Variants in ARCN1 observed in about 807,000 individuals in gnomAD.
ARCN1 encodes archain 1 coat protein complex I subunit delta.
A neutral mutation model predicts 60.4 loss-of-function variants in ARCN1; 5 were observed. The ratio of observed to expected loss-of-function variants is 0.08; its 90% CI spans 0.04 to 0.17. ARCN1 has a LOEUF of 0.17. Among genes scored for constraint, ARCN1 ranks in the 10% least tolerant of loss-of-function variants. The probability of loss-of-function intolerance (pLI) is 1.00; values close to 1 mark genes in which losing one functional copy is unlikely to be tolerated. For synonymous variants in ARCN1, 224 were observed against 220.0 expected, an observed-to-expected ratio of 1.02 and a Z score of -0.16; for missense variants, 464 against 626.5, an observed-to-expected ratio of 0.74 and a Z score of 2.77.
At chr11:118,572,744 A>T (rs1396230939) in intron 1 of ARCN1, 194 bp downstream of exon 1, 2 of 560,104 alleles carry the variant, frequency 3.6e-6, no homozygotes, top group African/African-American at 3.9e-5. Context: ...ACTCCAGTCC[A>T]TCTGTCGTCG....
At position 118,602,363 on chromosome 11, in the gene ARCN1, C is replaced by T. The variant is rs1158751759; in HGVS notation, c.*1649C>T. On this transcript the variant is annotated 3_prime_UTR_variant, in exon 10 of 10. Transcript: ENST00000264028. ...CAGCCAGCTCAGCCTTGGCTTTTAA[C>T]TCAATATTCCAGTCCATAGGGGTGG... is the stretch of plus-strand genomic sequence containing the variant. 6.5e-6 allele frequency: 1 copy of T among 153,874 alleles called. No homozygotes were observed. The highest frequency in any genetic ancestry group is 1.5e-5 in the Non-Finnish European group (1 of 68,140). The allele number at this position is 153,874 out of a possible 1,614,324, so 9.5% of individuals were successfully genotyped here.
In ARCN1 at chr11:118,597,821, C is replaced by T. The variant is rs1555077451; in HGVS notation, c.1356C>T (p.Gly452=). ...LPVIDAKNKS[G]SLEFSIAGQP... ...TGATTGATGCCAAAAATAAGAGTGGCAGCCTGGAGTTTAGCATTGCTGGGC... is the reference window on the plus strand; with the variant it reads ...TGATTGATGCCAAAAATAAGAGTGGTAGCCTGGAGTTTAGCATTGCTGGGC... The change falls in exon 9 of 10, where the codon GGC becomes GGT. Residue 452 remains glycine (G), a synonymous_variant. Coordinates refer to ENST00000264028, the MANE Select transcript of ARCN1 (RefSeq NM_001655.5). 2 of 1,614,168 alleles carry T rather than the reference C, an allele frequency of 1.2e-6. No homozygotes were observed. The highest frequency in any genetic ancestry group is 1.7e-6 in the Non-Finnish European group (2 of 1,180,042).
At chr11:118,587,998 G>A (rs1442502913) in intron 5 of ARCN1, among the ~76,000 whole-genome samples, 4 of 152,204 alleles carry the variant, frequency 2.6e-5, no homozygotes, top group Non-Finnish European at 4.4e-5. Context: ...TTGAGCACAG[G>A]AGCTTCTGTC....
At chr11:118,591,756 GCA>G (rs1938916356) in intron 6 of ARCN1, among the ~76,000 whole-genome samples, 1 of 120,780 alleles carries the variant, frequency 8.3e-6, no homozygotes, top group Admixed American at 8.4e-5. Context: ...TTTTGTTTTT[GCA>G]CAGTCTCTCT....
At chr11:118,594,794 C>G (rs1938990698) in intron 8 of ARCN1, among the ~76,000 whole-genome samples, 1 of 150,440 alleles carries the variant, frequency 6.6e-6, no homozygotes, top group Admixed American at 6.6e-5. Context: ...AGATGATCTG[C>G]CCGCCTTGGC....
chr11:118,601,599 G>A lies in ARCN1; in HGVS notation c.*885G>A. The A allele has an allele frequency of 1.4e-6, 1 of 702,242 alleles. No homozygotes were observed. The highest frequency in any genetic ancestry group is 2.6e-6 in the Non-Finnish European group (1 of 384,590). The allele number at this position is 702,242 out of a possible 1,614,324, so 43.5% of individuals were successfully genotyped here. A position where few individuals can be genotyped will look rare whatever the true frequency, so the allele number is the denominator to read the frequency against. ...TTCTTGATTTTTGGACTATTCAGGT[G>A]AACTATTTGAGGGGTATGGGGTCTA... On this transcript the variant is annotated 3_prime_UTR_variant, in exon 10 of 10. Coordinates refer to ENST00000264028, the MANE Select transcript of ARCN1 (RefSeq NM_001655.5).
chr11:118,588,087 A>T (rs1296508405), intron 5 of ARCN1, among the ~76,000 whole-genome samples: 1 of 152,228 alleles, frequency 6.6e-6, no homozygotes, highest in Non-Finnish European at 1.5e-5. Flanking sequence ...GCATGTGTTC[A>T]GCTGTCCAGA....
At chr11:118,593,748 T>G (rs781917550) in intron 8 of ARCN1, 50 bp downstream of exon 8, 2 of 1,311,754 alleles carry the variant, frequency 1.5e-6, no homozygotes, top group Admixed American at 3.6e-5. Flanking sequence ...AACTGGTCTT[T>G]TGGAACTCAT....
chr11:118,596,066 C>CA lies in ARCN1; in HGVS notation c.1242-1627dup, dbSNP rs545024182. Reference sequence around the variant, plus strand: ...TGGGTGACAGAGCGAGATTCCGTCTCAAAAAAAAAAAAAAGTACTAATTTA... The same window carrying CA: ...TGGGTGACAGAGCGAGATTCCGTCTCAAAAAAAAAAAAAAAGTACTAATTTA... On this transcript the variant is annotated intron_variant, in intron 8 of 9. Transcript: ENST00000264028. 4.2e-3 allele frequency among the ~76,000 whole-genome samples: 547 copies of CA among 129,946 alleles called. 3 individuals carry two copies. The highest frequency in any genetic ancestry group is 0.042 in the South Asian group (175 of 4,168). The allele number at this position is 129,946 out of a possible 152,430, so 85.2% of individuals were successfully genotyped here.
chr11:118,581,146 C>G, intron 1 of ARCN1, 100 bp from the exon 2 acceptor site: 2 of 1,452,510 alleles, frequency 1.4e-6, no homozygotes, highest in Non-Finnish European at 1.9e-6. Context: ...CTAGTCATGT[C>G]ACTAAATAAA....
At chr11:118,589,457 TCTCA>T (rs1170517787) in intron 5 of ARCN1, among the ~76,000 whole-genome samples, 4 of 151,764 alleles carry the variant, frequency 2.6e-5, no homozygotes, top group Non-Finnish European at 5.9e-5. Context: ...TGAGACAGAG[TCTCA>T]CTCTGTTGCC....
chr11:118,584,432 T>C (rs781999200), intron 4 of ARCN1, 48 bp from the exon 5 acceptor site: 2 of 1,548,962 alleles, frequency 1.3e-6, no homozygotes, highest in Non-Finnish European at 1.7e-6. Flanking sequence ...TCATGTGTGC[T>C]TGTAAAAATA....
intron 5 of ARCN1, among the ~76,000 whole-genome samples, chr11:118,588,322 G>A (rs985800288): frequency 6.6e-6 from 1 of 152,188 alleles, no homozygotes; most frequent in Non-Finnish European, 1.5e-5. Context: ...CCTTGGGCTG[G>A]TGAAAGGAGG....
At chr11:118,572,685 G>A in intron 1 of ARCN1, 135 bp downstream of exon 1, 1 of 1,139,918 alleles carries the variant, frequency 8.8e-7, no homozygotes, top group Non-Finnish European at 1.3e-6. Context: ...CGGGCTCGGG[G>A]AGCAGTGTGG....
rs149499283 is a variant in ARCN1, at chr11:118,577,485, T to A, written c.4-3761T>A. ...CTGGTCTCGAACTCCTGACCTCAGG[T>A]GATCTGCCTGCCCTGGCTCCCAAAG... On this transcript the variant is annotated intron_variant, in intron 1 of 9. Coordinates refer to ENST00000264028, the MANE Select transcript of ARCN1 (RefSeq NM_001655.5). Among the ~76,000 whole-genome samples the A allele has an allele frequency of 6.8e-3, 1,042 of 152,224 alleles. 11 individuals are homozygous for A. The highest frequency in any genetic ancestry group is 0.022 in the African/African-American group (932 of 41,546).
chr11:118,583,508 CT>C (rs1419636552), intron 3 of ARCN1, 150 bp downstream of exon 3: 1 of 1,015,998 alleles, frequency 9.8e-7, no homozygotes, highest in Admixed American at 3.0e-5. Context: ...AATCTCAGCA[CT>C]TTGGGAGGCG....
At position 118,581,305 on chromosome 11, in the gene ARCN1, T is replaced by C. The variant is rs781938118; in HGVS notation, c.63T>C (p.Phe21=). The C allele has an allele frequency of 6.2e-7, 1 of 1,614,134 alleles. No individual in the cohort carries two copies. The highest frequency in any genetic ancestry group is 1.7e-5 in the Admixed American group (1 of 60,008). The change falls in exon 2 of 10, where the codon TTT becomes TTC. Residue 21 remains phenylalanine, a synonymous_variant. Coordinates refer to ENST00000264028, the MANE Select transcript of ARCN1 (RefSeq NM_001655.5). ...GAAAGGCTATTGTTTCTCGACAGTT[T>C]GTGGAAATGACCCGAACTCGGATTG... ...KAGKAIVSRQ[F]VEMTRTRIEG...
chr11:118,574,346 A>C (rs1938431949), intron 1 of ARCN1, among the ~76,000 whole-genome samples: 1 of 152,190 alleles, frequency 6.6e-6, no homozygotes, highest in African/African-American at 2.4e-5. Context: ...ATGTCCAGAT[A>C]GGGTGAAATT....
rs782518843 is a variant in ARCN1, at chr11:118,583,860, C to G, written c.499C>G (p.Gln167Glu). ...GATGCGTCGTAAAGCAAAGGAATTACAACAGGCCCGAAGAGATGCAGAGAG... is the reference window on the plus strand; with the variant it reads ...GATGCGTCGTAAAGCAAAGGAATTAGAACAGGCCCGAAGAGATGCAGAGAG... The part of the protein sequence containing the change: ...AEMRRKAKEL[Q>E]QARRDAERQG... Residue 167 changes from glutamine (Q) to glutamate (E), a missense_variant, in exon 4 of 10, where the codon CAA becomes GAA. Physicochemically the swap from Gln to Glu is conservative, Grantham distance 29. Around this residue, in one of 2 missense-constraint regions of ARCN1, gnomAD observed 359 missense variants for 440.2 expected, o/e 0.82. Transcript: ENST00000264028. 1 of 1,614,160 alleles carries G rather than the reference C, an allele frequency of 6.2e-7. No individual in the cohort carries two copies. The highest frequency in any genetic ancestry group is 1.1e-5 in the South Asian group (1 of 91,084).
Sources: gnomAD v4.1 joint callset for allele counts (sites outside exome capture counted in the v4.1 genomes callset) on GRCh38, gnomAD v4.1.1 for gene constraint, gnomAD v4.1.1 regional missense constraint, MANE v1.5 for transcripts, NCBI Gene and HGNC (gene_info 2026-07-23, HGNC 2026-07-21) for gene names.